Variants in SNX29 observed in about 807,000 individuals in gnomAD.
The protein encoded by SNX29 is sorting nexin 29.
SNX29 carries 78 observed loss-of-function variants against 102.1 expected under a neutral mutation model. The observed-to-expected ratio is 0.76, with a 90% CI of 0.64 to 0.92. The LOEUF (loss-of-function observed/expected upper bound fraction) is 0.92, where lower values mean the gene tolerates loss of function less well. Among genes scored for constraint, SNX29 ranks in the 40% least tolerant of loss-of-function variants. The pLI, the probability that SNX29 is intolerant of heterozygous loss-of-function variation, is 0.00. For missense variants in SNX29, 1,280 were observed against 1,061.7 expected (o/e 1.21, Z -2.86); for synonymous variants, 580 against 414.5 (o/e 1.40, Z -4.85).
chr16:12,256,814 T>C lies in SNX29; in HGVS notation c.1679-21119T>C, dbSNP rs948431376. On this transcript the variant is annotated intron_variant, in intron 14 of 20. Coordinates refer to ENST00000566228, the MANE Select transcript of SNX29 (RefSeq NM_032167.5). ...AGGCAGGAATGGCCACTGATGGCTC[T>C]GCTTAGTTCCACATGCTCACAACCA... Among the ~76,000 whole-genome samples the C allele has an allele frequency of 7.9e-5, 12 of 152,230 alleles. No homozygotes were observed. In the East Asian group the frequency reaches 2.3e-3, roughly 29 times the overall value.
At chr16:12,253,200 C>T (rs1269825529) in intron 14 of SNX29, among the ~76,000 whole-genome samples, 1 of 152,184 alleles carries the variant, frequency 6.6e-6, no homozygotes, top group Admixed American at 6.5e-5. Context: ...CGGGCCATTA[C>T]CTGTTGGTGA....
At chr16:12,448,559 A>G (rs1287169267) in intron 18 of SNX29, among the ~76,000 whole-genome samples, 1 of 152,002 alleles carries the variant, frequency 6.6e-6, no homozygotes, top group Non-Finnish European at 1.5e-5. Context: ...GTACAGCCCA[A>G]CATCTGGTGG....
intron 20 of SNX29, among the ~76,000 whole-genome samples, chr16:12,543,928 A>AC (rs2077463470): frequency 6.6e-6 from 1 of 152,088 alleles, no homozygotes; most frequent in Non-Finnish European, 1.5e-5. Context: ...GGAATCCGGC[A>AC]CCCTCTCGTT....
chr16:12,064,258 C>G (rs985059018), intron 9 of SNX29, among the ~76,000 whole-genome samples: 1 of 152,176 alleles, frequency 6.6e-6, no homozygotes, highest in African/African-American at 2.4e-5. Context: ...CATCAGACAT[C>G]CGGGTCTCCT....
intron 18 of SNX29, among the ~76,000 whole-genome samples, chr16:12,467,006 G>A (rs1181490935): frequency 6.6e-6 from 1 of 152,190 alleles, no homozygotes; most frequent in Non-Finnish European, 1.5e-5. Flanking sequence ...GAACAAGAGT[G>A]CCCACCTTTT....
chr16:12,434,939 C>G (rs1042633423), intron 18 of SNX29, among the ~76,000 whole-genome samples: 1 of 127,090 alleles, frequency 7.9e-6, no homozygotes, highest in East Asian at 2.5e-4. Flanking sequence ...GGAACTGGCA[C>G]TTGGTGTCTT....
At chr16:12,464,800 G>T (rs1270017076) in intron 18 of SNX29, among the ~76,000 whole-genome samples, 2 of 152,160 alleles carry the variant, frequency 1.3e-5, no homozygotes, top group African/African-American at 4.8e-5. Context: ...GCTGGATTCT[G>T]TATGGTAGTG....
chr16:12,187,116 G>C (rs2076530085), intron 13 of SNX29, among the ~76,000 whole-genome samples: 1 of 152,232 alleles, frequency 6.6e-6, no homozygotes, highest in African/African-American at 2.4e-5. Flanking sequence ...CCATATTCCT[G>C]TCTGCCTGGT....
At chr16:12,236,671 C>G (rs955476510) in intron 14 of SNX29, among the ~76,000 whole-genome samples, 1 of 152,238 alleles carries the variant, frequency 6.6e-6, no homozygotes, top group African/African-American at 2.4e-5. Flanking sequence ...CAGGCTACCA[C>G]TGATTGAAGA....
rs192073166 is a variant in SNX29, at chr16:12,262,059, T to G, written c.1679-15874T>G. 1.0e-4 allele frequency among the ~76,000 whole-genome samples: 15 copies of G among 146,468 alleles called. No homozygotes were observed. The East Asian group carries it at 2.7e-3, about 26-fold the overall frequency. ...GCACGTCCCCGGCTGGAGTGAGTGT[T>G]TGCTGAGCTCGGGTCTGTGCGCGCG... is the stretch of plus-strand genomic sequence containing the variant. On this transcript the variant is annotated intron_variant, in intron 14 of 20. Transcript: ENST00000566228.
chr16:12,113,086 T>C (rs750584789), intron 11 of SNX29, among the ~76,000 whole-genome samples: 2 of 152,354 alleles, frequency 1.3e-5, no homozygotes, highest in Middle Eastern at 3.4e-3. Flanking sequence ...TTGCTTGCCT[T>C]GACTCCAAGA....
At chr16:12,420,831 A>G (rs2084844526) in intron 18 of SNX29, among the ~76,000 whole-genome samples, 4 of 152,184 alleles carry the variant, frequency 2.6e-5, no homozygotes, top group African/African-American at 7.2e-5. Context: ...AGTCTCGCCC[A>G]CAAGGCCCCA....
chr16:12,452,520 C>G (rs924831453), intron 18 of SNX29, among the ~76,000 whole-genome samples: 1 of 152,192 alleles, frequency 6.6e-6, no homozygotes, highest in African/African-American at 2.4e-5. Context: ...GGAGAGTTGC[C>G]TCATACAGCC....
intron 18 of SNX29, among the ~76,000 whole-genome samples, chr16:12,455,200 C>T (rs1306401617): frequency 6.6e-6 from 1 of 152,158 alleles, no homozygotes; most frequent in Non-Finnish European, 1.5e-5. Context: ...CCAAGACGCC[C>T]TTCTCCTTGG....
intron 20 of SNX29, among the ~76,000 whole-genome samples, chr16:12,549,833 C>G (rs1033982233): frequency 6.6e-6 from 1 of 152,262 alleles, no homozygotes; most frequent in African/African-American, 2.4e-5. Flanking sequence ...CCAGGCCTTG[C>G]CTCCTTGGCC....
chr16:12,553,568 G>A (rs1597972475), intron 20 of SNX29, among the ~76,000 whole-genome samples: 1 of 151,630 alleles, frequency 6.6e-6, no homozygotes, highest in East Asian at 2.0e-4. Context: ...CAGGAGCTGT[G>A]GGCTCTGAGG....
At chr16:12,563,988 C>T (rs1464935043) in intron 20 of SNX29, among the ~76,000 whole-genome samples, 1 of 84,320 alleles carries the variant, frequency 1.2e-5, no homozygotes, top group East Asian at 6.1e-4. Context: ...GTTCCCTCTG[C>T]CCCTGCAGCA....
At chr16:12,358,894 G>A (rs908537666) in intron 16 of SNX29, among the ~76,000 whole-genome samples, 6 of 152,244 alleles carry the variant, frequency 3.9e-5, no homozygotes, top group African/African-American at 1.4e-4. Flanking sequence ...GAGCATGGAA[G>A]CTCCGCACCG....
At chr16:12,266,992 A>G (rs2078948454) in intron 14 of SNX29, among the ~76,000 whole-genome samples, 1 of 151,834 alleles carries the variant, frequency 6.6e-6, no homozygotes, top group Non-Finnish European at 1.5e-5. Context: ...CGAACTCTTG[A>G]TCTCAAGTGA....
Sources: gnomAD v4.1 joint callset for allele counts (sites outside exome capture counted in the v4.1 genomes callset) on GRCh38, gnomAD v4.1.1 for gene constraint, MANE v1.5 for transcripts, NCBI Gene and HGNC (gene_info 2026-07-23, HGNC 2026-07-21) for gene names.